RFX4: variants seen among roughly 807,000 people sequenced by gnomAD.
The protein encoded by RFX4 is regulatory factor X4, also known as transcription factor RFX4.
In RFX4, 10 loss-of-function variants were observed where a neutral mutation model predicts 95.0. That is an observed-to-expected ratio of 0.11 (90% CI 0.06 to 0.18). The LOEUF (loss-of-function observed/expected upper bound fraction) is 0.18, where lower values mean the gene tolerates loss of function less well. Ranked by LOEUF, RFX4 falls within the 10% of genes least tolerant of loss-of-function variation. The probability of loss-of-function intolerance (pLI) is 1.00; values close to 1 mark genes in which losing one functional copy is unlikely to be tolerated. For missense variants in RFX4, 640 were observed against 922.0 expected (o/e 0.69, Z 3.96); for synonymous variants, 321 against 340.7 (o/e 0.94, Z 0.64).
chr12:106,594,762 C>CCGT (rs1384625007), intron 1 of RFX4, among the ~76,000 whole-genome samples: 2 of 151,500 alleles, frequency 1.3e-5, no homozygotes, highest in Non-Finnish European at 2.9e-5. Context: ...CCCATGGATC[C>CCGT]CGTGTTCTGC....
intron 5 of RFX4, among the ~76,000 whole-genome samples, chr12:106,686,270 G>T (rs915952226): frequency 6.6e-6 from 1 of 152,150 alleles, no homozygotes; most frequent in Non-Finnish European, 1.5e-5. Flanking sequence ...TGTTAGCTGG[G>T]TGTGGTGGCA....
chr12:106,661,669 T>C (rs1448133716), intron 4 of RFX4, among the ~76,000 whole-genome samples: 1 of 152,236 alleles, frequency 6.6e-6, no homozygotes, highest in Non-Finnish European at 1.5e-5. Context: ...TGTTTTGGTA[T>C]CATGCAGAGT....
intron 9 of RFX4, 73 bp from the exon 10 acceptor site, chr12:106,711,380 T>C: frequency 7.2e-7 from 1 of 1,392,728 alleles, no homozygotes; most frequent in Non-Finnish European, 1.0e-6. Flanking sequence ...CTTTTTGAAA[T>C]GTGCCCCTGG....
At chr12:106,655,887 T>C (rs903400783) in intron 4 of RFX4, among the ~76,000 whole-genome samples, 4 of 152,252 alleles carry the variant, frequency 2.6e-5, no homozygotes, top group Non-Finnish European at 5.9e-5. Flanking sequence ...GTTGCTGTTA[T>C]GAATTCTGCA....
intron 17 of RFX4, among the ~76,000 whole-genome samples, chr12:106,756,077 C>A (rs939504882): frequency 6.6e-6 from 1 of 152,154 alleles, no homozygotes; most frequent in Admixed American, 6.5e-5. Flanking sequence ...CAAAGGTAAA[C>A]CTCCCAGCCC....
chr12:106,719,723 G>T (rs2042361224), intron 11 of RFX4, among the ~76,000 whole-genome samples: 1 of 152,180 alleles, frequency 6.6e-6, no homozygotes. Context: ...CTTGCTGGCG[G>T]AATGGCAAGT....
Position 106,686,873 on chromosome 12 carries a change from T to G in RFX4, c.378-11T>G. The stretch of plus-strand genomic sequence containing the variant: ...TTTTTCTCTCTCTCCCTCCCTCCCC[T>G]TGTGGCCCAGGTACCATTACTATGG... On this transcript the variant is annotated splice_polypyrimidine_tract_variant and intron_variant, in intron 5 of 17. Transcript: ENST00000392842. 6.2e-7 allele frequency: 1 copy of G among 1,601,374 alleles called. No homozygotes were observed. Among genetic ancestry groups the G allele is most frequent in the Non-Finnish European group, 8.5e-7 (1 of 1,169,612 alleles).
chr12:106,677,269 G>T (rs1762684040), intron 4 of RFX4, among the ~76,000 whole-genome samples: 1 of 152,114 alleles, frequency 6.6e-6, no homozygotes, highest in South Asian at 2.1e-4. Flanking sequence ...CAGGGCAAGT[G>T]GGAGAGGCTT....
At chr12:106,723,986 G>C (rs904312198) in intron 13 of RFX4, among the ~76,000 whole-genome samples, 1 of 152,014 alleles carries the variant, frequency 6.6e-6, no homozygotes, top group Admixed American at 6.6e-5. Context: ...CCTTTCTTTA[G>C]GTAAAAGAAA....
At chr12:106,633,483 A>G (rs2040455960) in intron 2 of RFX4, among the ~76,000 whole-genome samples, 1 of 152,364 alleles carries the variant, frequency 6.6e-6, no homozygotes, top group Middle Eastern at 3.4e-3. Flanking sequence ...TACTTGACCA[A>G]TGAATGCTAT....
In RFX4 at chr12:106,609,945, A is replaced by G. The variant is rs1299118927; in HGVS notation, c.130+1062A>G. Among the ~76,000 whole-genome samples the G allele has an allele frequency of 2.6e-5, 4 of 152,084 alleles. No individual in the cohort carries two copies. The South Asian group carries it at 6.2e-4, about 24-fold the overall frequency. On this transcript the variant is annotated intron_variant, in intron 2 of 17. Coordinates refer to ENST00000392842, the MANE Select transcript of RFX4 (RefSeq NM_213594.3). ...TGGACTCTGTATTCTTTTGTGTGTA[A>G]CTTTTCTCAGTCAGTATAATGTCTG...
chr12:106,707,746 G>A (rs1231454385), intron 8 of RFX4, among the ~76,000 whole-genome samples: 3 of 152,142 alleles, frequency 2.0e-5, no homozygotes, highest in Non-Finnish European at 2.9e-5. Context: ...TGGGAGAAAG[G>A]GCAGTGGCTC....
intron 8 of RFX4, among the ~76,000 whole-genome samples, chr12:106,698,439 T>C (rs1270146900): frequency 6.6e-6 from 1 of 152,060 alleles, no homozygotes. Flanking sequence ...CCACAGGACC[T>C]GGCTAATTTA....
At chr12:106,618,150 A>G (rs2040110575) in intron 2 of RFX4, among the ~76,000 whole-genome samples, 1 of 152,190 alleles carries the variant, frequency 6.6e-6, no homozygotes, top group Admixed American at 6.5e-5. Flanking sequence ...GGAGTGTTTT[A>G]TAGATAACAG....
At chr12:106,633,117 T>A (rs1468460499) in intron 2 of RFX4, among the ~76,000 whole-genome samples, 2 of 152,228 alleles carry the variant, frequency 1.3e-5, no homozygotes, top group African/African-American at 2.4e-5. Flanking sequence ...ACACACCTCC[T>A]ACTTTAGAAG....
chr12:106,757,956 C>G (rs1019730539), intron 17 of RFX4, among the ~76,000 whole-genome samples: 3 of 152,352 alleles, frequency 2.0e-5, no homozygotes, highest in African/African-American at 7.2e-5. Flanking sequence ...CATGTGCACA[C>G]AGGCACCTCT....
intron 15 of RFX4, among the ~76,000 whole-genome samples, chr12:106,740,925 T>C (rs1218711778): frequency 6.6e-6 from 1 of 152,106 alleles, no homozygotes; most frequent in Non-Finnish European, 1.5e-5. Context: ...GGGAAAAGCA[T>C]GTGCACAGGC....
intron 9 of RFX4, among the ~76,000 whole-genome samples, chr12:106,709,839 C>T (rs1376629935): frequency 6.6e-6 from 1 of 152,174 alleles, no homozygotes; most frequent in African/African-American, 2.4e-5. Context: ...AGCCACGCAG[C>T]CACACAGCTG....
At chr12:106,641,385 A>G (rs1476242816) in intron 3 of RFX4, among the ~76,000 whole-genome samples, 1 of 152,184 alleles carries the variant, frequency 6.6e-6, no homozygotes, top group African/African-American at 2.4e-5. Flanking sequence ...AGTCATGAAG[A>G]TGAAATGAGT....
Sources: allele counts gnomAD v4.1 joint callset (sites outside exome capture counted in the v4.1 genomes callset), GRCh38; gene constraint gnomAD v4.1.1; transcripts MANE v1.5; gene names NCBI Gene and HGNC (gene_info 2026-07-23, HGNC 2026-07-21).